The following DIXDC1 variants were observed in gnomAD, a reference collection of about 807,000 sequenced individuals.
DIXDC1 encodes the protein dixin.
DIXDC1 carries 64 observed loss-of-function variants against 103.1 expected under a neutral mutation model. That is an observed-to-expected ratio of 0.62 (90% confidence interval 0.51 to 0.76). DIXDC1 has a LOEUF of 0.76. Ranked by LOEUF, DIXDC1 falls within the 30% of genes least tolerant of loss-of-function variation. The pLI is 0.00. For synonymous variants in DIXDC1, 266 were observed against 298.5 expected, an observed-to-expected ratio of 0.89 and a Z score of 1.12; for missense variants, 759 against 834.2, an observed-to-expected ratio of 0.91 and a Z score of 1.11.
chr11:111,977,696 G>T lies in DIXDC1; in HGVS notation c.656+2713G>T. The T allele has an allele frequency of 6.5e-7, 1 of 1,545,396 alleles. No individual in the cohort carries two copies. Among genetic ancestry groups the T allele is most frequent in the East Asian group, 2.5e-5 (1 of 39,642 alleles). ...AGCGCGGGGAGACATGCCTGAATTT[G>T]GGAGCGATGTGACTCTCAGCCTCCC... On this transcript the variant is annotated intron_variant, in intron 5 of 19. Coordinates refer to ENST00000440460, the MANE Select transcript of DIXDC1 (RefSeq NM_001037954.4). The surrounding 1 kb of genome is among the most constrained non-coding windows in gnomAD (Gnocchi z 6.1).
At chr11:111,937,924 C>G (rs1966275311) in intron 1 of DIXDC1, among the ~76,000 whole-genome samples, 1 of 152,250 alleles carries the variant, frequency 6.6e-6, no homozygotes, top group South Asian at 2.1e-4. Context: ...AAGTGCTCAT[C>G]TATATCAGGA....
chr11:111,993,499 G>C lies in DIXDC1; in HGVS notation c.1276G>C (p.Glu426Gln). Residue 426 changes from glutamate to glutamine, a missense_variant, in exon 13 of 20, where the codon GAG becomes CAG. Physicochemically the swap from Glu to Gln is conservative, Grantham distance 29 (BLOSUM62 2). Coordinates refer to ENST00000440460, the MANE Select transcript of DIXDC1 (RefSeq NM_001037954.4). ...RNRLLGEYKK[E>Q]LGQKDRLLQQ... ...TAAAGCTCTATCTTTATTGCAGAAA[G>C]AGCTGGGGCAGAAGGATCGCCTTCT... 2 of 1,613,982 alleles carry C rather than the reference G, an allele frequency of 1.2e-6. No individual in the cohort carries two copies. The highest frequency in any genetic ancestry group is 2.2e-5 in the South Asian group (2 of 91,070).
At chr11:111,990,677 C>A (rs1860680980) in intron 10 of DIXDC1, among the ~76,000 whole-genome samples, 1 of 152,000 alleles carries the variant, frequency 6.6e-6, no homozygotes, top group African/African-American at 2.4e-5. Flanking sequence ...AAACAATGAT[C>A]TAACAGCCTT....
intron 19 of DIXDC1, among the ~76,000 whole-genome samples, chr11:112,018,126 A>T (rs1201254896): frequency 1.3e-5 from 2 of 152,198 alleles, no homozygotes; most frequent in Non-Finnish European, 2.9e-5. Context: ...TATAATTTTT[A>T]TTTTAAATTA....
intron 1 of DIXDC1, among the ~76,000 whole-genome samples, chr11:111,950,418 A>ATATATATATATG (rs1966743654): frequency 6.0e-5 from 1 of 16,740 alleles, no homozygotes; most frequent in Non-Finnish European, 9.7e-5. Context: ...AGGTATATAT[A>ATATATATATATG]TATATATATA....
At chr11:111,928,207 A>AC (rs139612553) in intron 1 of DIXDC1, among the ~76,000 whole-genome samples, 1,704 of 151,708 alleles carry the variant, frequency 0.011, 34 homozygotes, top group African/African-American at 0.039. Context: ...TGGAGGACTG[A>AC]CCCCCACCAC....
intron 1 of DIXDC1, among the ~76,000 whole-genome samples, chr11:111,950,410 G>GTATATATCTA (rs1966741491): frequency 4.0e-5 from 1 of 25,034 alleles, no homozygotes; most frequent in Non-Finnish European, 8.0e-5. Context: ...TACAAAGTAG[G>GTATATATCTA]TATATATATA....
chr11:111,935,301 G>C (rs142255312), upstream of DIXDC1, among the ~76,000 whole-genome samples: 435 of 152,302 alleles, frequency 2.9e-3, 8 homozygotes, highest in African/African-American at 9.8e-3. Context: ...TATGATATAA[G>C]GGACTTGGGC....
intron 17 of DIXDC1, among the ~76,000 whole-genome samples, chr11:112,002,232 A>G (rs370201686): frequency 3.6e-4 from 55 of 151,810 alleles, no homozygotes; most frequent in Admixed American, 4.6e-4. Flanking sequence ...GCCTTTTATC[A>G]GAAAGACATT....
intron 1 of DIXDC1, among the ~76,000 whole-genome samples, chr11:111,941,215 A>C (rs1966405611): frequency 6.6e-6 from 1 of 152,286 alleles, no homozygotes; most frequent in Admixed American, 6.5e-5. Context: ...TGGGAGGTTG[A>C]GATTGCAGTG....
chr11:112,005,653 A>G (rs1490060569), intron 17 of DIXDC1, among the ~76,000 whole-genome samples: 3 of 152,198 alleles, frequency 2.0e-5, no homozygotes, highest in Non-Finnish European at 4.4e-5. Context: ...AGCTGTGATC[A>G]CACCACTGCA....
intron 1 of DIXDC1, among the ~76,000 whole-genome samples, chr11:111,941,626 G>A (rs1475877825): frequency 6.6e-6 from 1 of 151,896 alleles, no homozygotes; most frequent in Non-Finnish European, 1.5e-5. Flanking sequence ...GACCAGCCTG[G>A]GCAACGTGGT....
At chr11:111,971,169 A>G (rs892265105) in intron 3 of DIXDC1, among the ~76,000 whole-genome samples, 2 of 152,260 alleles carry the variant, frequency 1.3e-5, no homozygotes, top group Non-Finnish European at 2.9e-5. Flanking sequence ...AAGAGAAACT[A>G]TCAGGGGAGT....
chr11:111,947,121 G>A (rs1183202989), intron 1 of DIXDC1, among the ~76,000 whole-genome samples: 1 of 151,930 alleles, frequency 6.6e-6, no homozygotes, highest in Non-Finnish European at 1.5e-5. Context: ...TACTTTAGAT[G>A]GCTGGAGAGT....
intron 9 of DIXDC1, 184 bp from the exon 10 acceptor site, chr11:111,988,821 C>T (rs1860592117): frequency 2.2e-6 from 1 of 446,712 alleles, no homozygotes; most frequent in Non-Finnish European, 4.0e-6. Flanking sequence ...CGGAATGGTT[C>T]TCTTCTTGTT....
intron 1 of DIXDC1, among the ~76,000 whole-genome samples, chr11:111,927,568 A>T (rs1440292710): frequency 6.6e-6 from 1 of 151,774 alleles, no homozygotes; most frequent in Non-Finnish European, 1.5e-5. Context: ...AGACTTTCAG[A>T]GCTTAGAGAG....
chr11:111,937,127 C>CG (rs200146124), upstream of DIXDC1: 9,459 of 516,890 alleles, frequency 0.018, 275 homozygotes, highest in African/African-American at 0.052. Flanking sequence ...TGCTGCGGCC[C>CG]GGGCGGGGGG....
intron 10 of DIXDC1, among the ~76,000 whole-genome samples, chr11:111,989,367 G>A (rs1201751037): frequency 6.6e-6 from 1 of 152,172 alleles, no homozygotes; most frequent in Non-Finnish European, 1.5e-5. Context: ...GCTCACGCCT[G>A]TAATCCCAGC....
chr11:111,984,645 T>G (rs1860430320), intron 7 of DIXDC1, among the ~76,000 whole-genome samples: 1 of 152,212 alleles, frequency 6.6e-6, no homozygotes. Flanking sequence ...TAAATCTGCC[T>G]CCCTATTCCA....
Sources: gnomAD v4.1 joint callset for allele counts (sites outside exome capture counted in the v4.1 genomes callset) on GRCh38, gnomAD v4.1.1 for gene constraint, Gnocchi (gnomAD v3.1) non-coding constraint, MANE v1.5 for transcripts, NCBI Gene and HGNC (gene_info 2026-07-23, HGNC 2026-07-21) for gene names.